Variants in SNTG2 observed in about 807,000 individuals in gnomAD.
SNTG2 encodes syntrophin gamma 2, also known as gamma-2-syntrophin.
A neutral mutation model predicts 70.9 loss-of-function variants in SNTG2; 74 were observed. The ratio of observed to expected loss-of-function variants is 1.04; its 90% confidence interval spans 0.86 to 1.27. The LOEUF is 1.27. Ranked by LOEUF, SNTG2 falls within the 50% of genes most tolerant of loss-of-function variation. SNTG2 has a pLI of 0.00. For synonymous variants in SNTG2, 278 were observed against 273.8 expected, an observed-to-expected ratio of 1.02 and a Z score of -0.15; for missense variants, 717 against 690.7, an observed-to-expected ratio of 1.04 and a Z score of -0.43.
At chr2:1,060,099 T>C (rs776946749) in intron 1 of SNTG2, among the ~76,000 whole-genome samples, 6 of 152,204 alleles carry the variant, frequency 3.9e-5, no homozygotes, top group Non-Finnish European at 8.8e-5. Context: ...GAATGTACTC[T>C]TACCTGCAGG....
chr2:1,168,285 A>G (rs28377122), intron 7 of SNTG2, among the ~76,000 whole-genome samples: 56 of 100,254 alleles, frequency 5.6e-4, no homozygotes, highest in African/African-American at 1.8e-3. Flanking sequence ...GAAGCCTAGA[A>G]GCCGCCCACA....
chr2:1,124,195 T>C (rs989544825), intron 4 of SNTG2, among the ~76,000 whole-genome samples: 1 of 152,190 alleles, frequency 6.6e-6, no homozygotes, highest in African/African-American at 2.4e-5. Flanking sequence ...TTATCCCATA[T>C]TGCATTCATA....
At chr2:1,130,945 T>C (rs1667976565) in intron 4 of SNTG2, among the ~76,000 whole-genome samples, 1 of 152,216 alleles carries the variant, frequency 6.6e-6, no homozygotes. Flanking sequence ...AGTTTTTCTA[T>C]AGTTTTGACT....
chr2:954,986 A>G (rs6708384), intron 1 of SNTG2, among the ~76,000 whole-genome samples: 43,785 of 152,182 alleles, frequency 0.29, 6,448 homozygotes, highest in Admixed American at 0.36. Context: ...TAATTTAGCA[A>G]AGACTTTGGA....
At chr2:1,165,237 G>T (rs767415040) in intron 6 of SNTG2, among the ~76,000 whole-genome samples, 11 of 152,200 alleles carry the variant, frequency 7.2e-5, no homozygotes, top group Non-Finnish European at 1.6e-4. Flanking sequence ...TTCTCCGAGG[G>T]TATTATTTTC....
Position 1,028,316 on chromosome 2 carries a change from T to C in SNTG2, c.73-55202T>C, listed in dbSNP as rs150388581. On this transcript the variant is annotated intron_variant, in intron 1 of 16. Coordinates refer to ENST00000308624, the MANE Select transcript of SNTG2 (RefSeq NM_018968.4). ...AGTAAAGAGATAAGCAGGTGCATCA[T>C]TGAAGGTGCATCTGACCCACAGACA... Among the ~76,000 whole-genome samples the C allele has an allele frequency of 5.7e-3, 837 of 147,962 alleles. 1 individual carries two copies. The highest frequency in any genetic ancestry group is 0.021 in the African/African-American group (792 of 37,724).
chr2:955,393 A>T (rs145557634), intron 1 of SNTG2, among the ~76,000 whole-genome samples: 4 of 152,224 alleles, frequency 2.6e-5, no homozygotes, highest in African/African-American at 9.6e-5. Flanking sequence ...CAAGTGTCCT[A>T]AATATCGTGC....
intron 1 of SNTG2, among the ~76,000 whole-genome samples, chr2:1,005,207 A>T (rs1307990747): frequency 6.6e-6 from 1 of 152,196 alleles, no homozygotes; most frequent in Non-Finnish European, 1.5e-5. Context: ...GAGGATGTTC[A>T]GGGCAGTGAA....
chr2:955,878 C>T (rs909020147), intron 1 of SNTG2, among the ~76,000 whole-genome samples: 1 of 152,168 alleles, frequency 6.6e-6, no homozygotes, highest in African/African-American at 2.4e-5. Flanking sequence ...TCCCAGCTAC[C>T]CTCCTTTTAG....
intron 16 of SNTG2, among the ~76,000 whole-genome samples, chr2:1,336,278 C>G (rs566204133): frequency 6.6e-6 from 1 of 152,260 alleles, no homozygotes; most frequent in East Asian, 1.9e-4. Flanking sequence ...TGGGAAATGC[C>G]TGTCCAAGTT....
chr2:1,105,786 A>G (rs4479454), intron 4 of SNTG2, among the ~76,000 whole-genome samples: 147,635 of 152,218 alleles, frequency 0.97, 71,740 homozygotes, highest in Non-Finnish European at 1. Context: ...AGCTCACCTC[A>G]CATCCTGGGT....
intron 9 of SNTG2, chr2:1,219,979 C>A (rs1008452893): frequency 4.6e-5 from 7 of 152,204 alleles, no homozygotes; most frequent in African/African-American, 7.2e-5. Flanking sequence ...AAAAGTGATA[C>A]TGCAAGTCAG....
At chr2:1,117,508 C>T (rs1411614289) in intron 4 of SNTG2, among the ~76,000 whole-genome samples, 1 of 152,148 alleles carries the variant, frequency 6.6e-6, no homozygotes, top group Non-Finnish European at 1.5e-5. Flanking sequence ...GCAGGCACGG[C>T]CTCCTGCCCC....
At chr2:1,316,161 T>C (rs1681268166) in intron 15 of SNTG2, 104 bp from the exon 16 acceptor site, 6 of 597,420 alleles carry the variant, frequency 1.0e-5, no homozygotes, top group South Asian at 2.3e-5. Context: ...AAACATTAAG[T>C]GAATGTCTGT....
chr2:1,034,618 C>G (rs1661030447), intron 1 of SNTG2, among the ~76,000 whole-genome samples: 1 of 152,164 alleles, frequency 6.6e-6, no homozygotes. Context: ...TCACCAGCAT[C>G]TGTTATTTTG....
At chr2:1,070,612 C>A (rs1049016425) in intron 1 of SNTG2, among the ~76,000 whole-genome samples, 1 of 152,142 alleles carries the variant, frequency 6.6e-6, no homozygotes. Context: ...GAAAGTGACA[C>A]AGCAGGGATT....
intron 2 of SNTG2, among the ~76,000 whole-genome samples, chr2:1,084,624 C>G (rs1664561324): frequency 6.6e-6 from 1 of 152,220 alleles, no homozygotes; most frequent in African/African-American, 2.4e-5. Context: ...CTGCATCTGT[C>G]TTCGTCTGTT....
intron 11 of SNTG2, among the ~76,000 whole-genome samples, chr2:1,243,829 C>T (rs560117797): frequency 7.2e-5 from 11 of 152,330 alleles, no homozygotes; most frequent in Admixed American, 2.6e-4. Flanking sequence ...AGTTGAAGAC[C>T]GGACTGGCCA....
chr2:1,188,935 G>A (rs547252312), intron 8 of SNTG2, among the ~76,000 whole-genome samples: 11 of 152,072 alleles, frequency 7.2e-5, no homozygotes, highest in East Asian at 5.8e-4. Flanking sequence ...AGATACCTAC[G>A]TTATTTATTG....
Sources: allele counts gnomAD v4.1 joint callset (sites outside exome capture counted in the v4.1 genomes callset), GRCh38; gene constraint gnomAD v4.1.1; transcripts MANE v1.5; gene names NCBI Gene and HGNC (gene_info 2026-07-23, HGNC 2026-07-21).